The following DYSF variants were observed in gnomAD, a reference collection of about 807,000 sequenced individuals.
DYSF encodes dysferlin, also known as dystrophy-associated fer-1-like 1.
A neutral mutation model predicts 274.9 loss-of-function variants in DYSF; 212 were observed. The observed-to-expected ratio is 0.77, with a 90% CI of 0.69 to 0.86. DYSF has a LOEUF of 0.86. Ranked by LOEUF, DYSF falls within the 40% of genes least tolerant of loss-of-function variation. DYSF has a pLI of 0.00. For synonymous variants in DYSF, 1,091 were observed against 1,078.7 expected, an observed-to-expected ratio of 1.01 and a Z score of -0.22; for missense variants, 2,666 against 2,783.2, an observed-to-expected ratio of 0.96 and a Z score of 0.95.
intron 40 of DYSF, among the ~76,000 whole-genome samples, chr2:71,618,890 C>T (rs866926788): frequency 6.6e-6 from 1 of 151,364 alleles, no homozygotes; most frequent in South Asian, 2.1e-4. Flanking sequence ...CTGGGGCTGG[C>T]CGGCTCTGGG....
chr2:71,680,855 G>C, intron 53 of DYSF, 146 bp from the exon 54 acceptor site: 1 of 701,912 alleles, frequency 1.4e-6, no homozygotes, highest in South Asian at 1.6e-5. Flanking sequence ...GTTTTACAAA[G>C]AGCAGGTGCT....
chr2:71,551,274 C>T, intron 18 of DYSF, 118 bp downstream of exon 18: 1 of 1,004,610 alleles, frequency 1.0e-6, no homozygotes, highest in Non-Finnish European at 1.6e-6. Flanking sequence ...TGGCAGCCAA[C>T]CCCTCAGGGA....
intron 29 of DYSF, among the ~76,000 whole-genome samples, chr2:71,571,459 GAT>G (rs2092443997): frequency 4.8e-5 from 4 of 84,202 alleles, no homozygotes; most frequent in East Asian, 7.5e-4. Context: ...CACACACACA[GAT>G]CACACCCAGC....
At chr2:71,457,927 C>T (rs2081135530) in intron 1 of DYSF, among the ~76,000 whole-genome samples, 1 of 152,092 alleles carries the variant, frequency 6.6e-6, no homozygotes, top group Non-Finnish European at 1.5e-5. Context: ...CTTAGCCAGT[C>T]TAGGAGAAAG....
intron 3 of DYSF, among the ~76,000 whole-genome samples, chr2:71,492,232 C>T (rs10199721): frequency 2.8e-4 from 43 of 152,260 alleles, no homozygotes; most frequent in Non-Finnish European, 4.6e-4. Flanking sequence ...AGATACTGGC[C>T]GGAAGGCTGC....
At chr2:71,665,336 G>A (rs754121263) in intron 47 of DYSF, 32 bp downstream of exon 47, 1 of 1,613,812 alleles carries the variant, frequency 6.2e-7, no homozygotes, top group Admixed American at 1.7e-5. Flanking sequence ...AACCATGGTG[G>A]GCTCTCGCTG....
At chr2:71,549,740 G>A (rs1469515480) in intron 17 of DYSF, among the ~76,000 whole-genome samples, 1 of 152,040 alleles carries the variant, frequency 6.6e-6, no homozygotes, top group Non-Finnish European at 1.5e-5. Context: ...GTGTTTCAGG[G>A]GCCAGGAGGA....
chr2:71,502,079 CTGTG>C (rs71402986), intron 3 of DYSF, among the ~76,000 whole-genome samples: 4,272 of 143,850 alleles, frequency 0.03, 110 homozygotes, highest in Admixed American at 0.065. Flanking sequence ...CTCCATGACT[CTGTG>C]TGTGTGTGTG....
At chr2:71,477,195 T>C (rs960887064) in intron 1 of DYSF, among the ~76,000 whole-genome samples, 1 of 152,022 alleles carries the variant, frequency 6.6e-6, no homozygotes, top group African/African-American at 2.4e-5. Context: ...AAGCAGTGTC[T>C]CCCTGAGGGA....
intron 26 of DYSF, among the ~76,000 whole-genome samples, chr2:71,568,853 G>C (rs895116905): frequency 6.6e-6 from 1 of 151,568 alleles, no homozygotes; most frequent in African/African-American, 2.4e-5. Context: ...GAGTCACCAC[G>C]CCTGGCCAGG....
At chr2:71,671,861 TG>T (rs1194806588) in intron 51 of DYSF, among the ~76,000 whole-genome samples, 1 of 152,072 alleles carries the variant, frequency 6.6e-6, no homozygotes, top group African/African-American at 2.4e-5. Flanking sequence ...GGCCAACCCG[TG>T]GGCGAGTTCC....
intron 39 of DYSF, 125 bp from the exon 40 acceptor site, chr2:71,613,209 C>A (rs563688256): frequency 2.4e-6 from 2 of 820,548 alleles, no homozygotes; most frequent in Admixed American, 4.0e-5. Context: ...GAGAGAGATA[C>A]CGACTGAGAA....
intron 13 of DYSF, among the ~76,000 whole-genome samples, chr2:71,527,100 C>A (rs1487169720): frequency 6.6e-6 from 1 of 152,200 alleles, no homozygotes; most frequent in Admixed American, 6.5e-5. Context: ...TGGGAAGATT[C>A]AAAACGGTCC....
intron 32 of DYSF, among the ~76,000 whole-genome samples, chr2:71,593,948 G>A (rs1039089662): frequency 1.3e-5 from 2 of 152,202 alleles, no homozygotes; most frequent in African/African-American, 4.8e-5. Context: ...CAGATGCCAC[G>A]TCATTTATTA....
At chr2:71,625,684 T>G (rs1395175189) in intron 41 of DYSF, among the ~76,000 whole-genome samples, 2 of 151,968 alleles carry the variant, frequency 1.3e-5, no homozygotes, top group Admixed American at 6.6e-5. Context: ...CTTGTCAACT[T>G]AAAAAAAAGT....
Position 71,660,635 on chromosome 2 carries a change from G to C in DYSF, c.4987G>C (p.Glu1663Gln). ...GGATAACTACATCCCCTGCACGCTG[G>C]AGCCCGTATTTGGAAAGTAAATTGG... ...DQDNYIPCTL[E>Q]PVFGKMFELT... The change falls in exon 45 of 56, where the codon GAG (glutamate) becomes CAG (glutamine). Residue 1663 changes from glutamate to glutamine, a missense_variant. Around this residue, in one of 3 missense-constraint regions of DYSF, gnomAD observed 1,460 missense variants for 1,502.1 expected, o/e 0.97. Coordinates refer to ENST00000410020, the MANE Select transcript of DYSF (RefSeq NM_001130987.2). 1 of 1,614,054 alleles carries C rather than the reference G, an allele frequency of 6.2e-7. No individual in the cohort carries two copies. The highest frequency in any genetic ancestry group is 1.1e-5 in the South Asian group (1 of 91,084).
intron 40 of DYSF, among the ~76,000 whole-genome samples, chr2:71,618,437 GTGTGTGGTAGAGGTGGGGT>G (rs2093986814): frequency 5.7e-5 from 8 of 141,320 alleles, no homozygotes; most frequent in South Asian, 4.6e-4. Context: ...GAGGTGGGGT[GTGTGTGGTAGAGGTGGGGT>G]TGTGTGTGTG....
chr2:71,524,314 A>G (rs532072209), intron 12 of DYSF, among the ~76,000 whole-genome samples: 1 of 152,170 alleles, frequency 6.6e-6, no homozygotes, highest in Non-Finnish European at 1.5e-5. Flanking sequence ...AATATAGCAA[A>G]TGTGATATCT....
chr2:71,519,401 A>C (rs2152740242), intron 10 of DYSF, among the ~76,000 whole-genome samples: 1 of 152,328 alleles, frequency 6.6e-6, no homozygotes, highest in South Asian at 2.1e-4. Context: ...TTTAAAAAAA[A>C]GACGACTTTT....
Sources: gnomAD v4.1 joint callset for allele counts (sites outside exome capture counted in the v4.1 genomes callset) on GRCh38, gnomAD v4.1.1 for gene constraint, gnomAD v4.1.1 regional missense constraint, MANE v1.5 for transcripts, NCBI Gene and HGNC (gene_info 2026-07-23, HGNC 2026-07-21) for gene names.